Variants in NFAT5 observed in about 807,000 individuals in gnomAD.
NFAT5 encodes nuclear factor of activated T-cells 5.
In NFAT5, 31 loss-of-function variants were observed where a neutral mutation model predicts 166.5. The ratio of observed to expected loss-of-function variants is 0.19; its 90% CI spans 0.14 to 0.25. The LOEUF (loss-of-function observed/expected upper bound fraction) is 0.25, where lower values mean the gene tolerates loss of function less well. NFAT5 is among the 10% of genes least tolerant of loss of function. The probability of loss-of-function intolerance (pLI) is 1.00; values close to 1 mark genes in which losing one functional copy is unlikely to be tolerated. For synonymous variants in NFAT5, 612 were observed against 639.7 expected, an observed-to-expected ratio of 0.96 and a Z score of 0.65; for missense variants, 1,449 against 1,821.8, an observed-to-expected ratio of 0.80 and a Z score of 3.72.
At chr16:69,671,782 A>G (rs1413846801) in intron 9 of NFAT5, among the ~76,000 whole-genome samples, 1 of 152,228 alleles carries the variant, frequency 6.6e-6, no homozygotes, top group East Asian at 1.9e-4. Context: ...ATCCTCAGGA[A>G]GACATTACCA....
At chr16:69,659,634 A>G (rs2036037144) in intron 6 of NFAT5, 93 bp from the exon 7 acceptor site, 1 of 1,072,238 alleles carries the variant, frequency 9.3e-7, no homozygotes, top group Non-Finnish European at 1.3e-6. Context: ...GAATTAATAG[A>G]TAAGCAAAAT....
chr16:69,609,376 C>T (rs551527251), intron 2 of NFAT5, among the ~76,000 whole-genome samples: 6 of 152,156 alleles, frequency 3.9e-5, no homozygotes, highest in African/African-American at 9.6e-5. Context: ...ATTCAGTAGT[C>T]GGTCTGTGAT....
intron 2 of NFAT5, among the ~76,000 whole-genome samples, chr16:69,609,821 A>G (rs1444636309): frequency 7.4e-5 from 6 of 81,558 alleles, no homozygotes; most frequent in Non-Finnish European, 1.0e-4. Context: ...TCTCTACTGA[A>G]AAAAAAAAAA....
intron 3 of NFAT5, among the ~76,000 whole-genome samples, chr16:69,638,773 A>G (rs72801350): frequency 2.6e-5 from 4 of 151,598 alleles, no homozygotes; most frequent in Admixed American, 2.6e-4. Flanking sequence ...ATTGAAGTAG[A>G]ATTGGCAGGA....
At chr16:69,577,030 C>T (rs953468199) in intron 2 of NFAT5, among the ~76,000 whole-genome samples, 17 of 152,192 alleles carry the variant, frequency 1.1e-4, no homozygotes, top group Non-Finnish European at 1.6e-4. Flanking sequence ...AGAAATAGTA[C>T]TAATGTGAGC....
At chr16:69,683,661 G>C (rs1368870853) in intron 10 of NFAT5, among the ~76,000 whole-genome samples, 2 of 152,092 alleles carry the variant, frequency 1.3e-5, no homozygotes, top group African/African-American at 2.4e-5. Context: ...TAAATTTATA[G>C]TTTAAATTTG....
rs756137446 is a variant in NFAT5 at position 69,692,561 on chromosome 16, C to G, written c.2736C>G (p.Ala912=). 6.2e-7 allele frequency: 1 copy of G among 1,613,974 alleles called. No individual in the cohort carries two copies. Among genetic ancestry groups the G allele is most frequent in the Non-Finnish European group, 8.5e-7 (1 of 1,180,028 alleles). ...QQQQQVMESS[A]AMVMEMQQSI... The stretch of plus-strand genomic sequence containing the variant: ...AACAGCAAGTGATGGAATCTTCAGC[C>G]GCAATGGTGATGGAGATGCAACAGA... Residue 912 remains alanine (A), a synonymous_variant, in exon 13 of 15, where the codon GCC becomes GCG. Transcript: ENST00000349945.
At chr16:69,624,169 G>A (rs1472560054) in intron 2 of NFAT5, among the ~76,000 whole-genome samples, 1 of 152,106 alleles carries the variant, frequency 6.6e-6, no homozygotes, top group East Asian at 1.9e-4. Context: ...TCAAGCATTA[G>A]GTAACAACAT....
chr16:69,586,997 C>A (rs1439805282), intron 2 of NFAT5, among the ~76,000 whole-genome samples: 1 of 152,140 alleles, frequency 6.6e-6, no homozygotes, highest in Non-Finnish European at 1.5e-5. Flanking sequence ...TATATTAAAT[C>A]TAGGTATGAT....
intron 2 of NFAT5, among the ~76,000 whole-genome samples, chr16:69,578,071 G>GT (rs1350740039): frequency 5.3e-5 from 8 of 152,080 alleles, no homozygotes; most frequent in Non-Finnish European, 5.9e-5. Context: ...GTGATGCAGT[G>GT]TAACAGCTAT....
intron 7 of NFAT5, among the ~76,000 whole-genome samples, chr16:69,664,769 T>C (rs1373307202): frequency 1.3e-5 from 2 of 152,124 alleles, no homozygotes; most frequent in African/African-American, 4.8e-5. Context: ...GGCTCACGCC[T>C]GTAATCCCAG....
chr16:69,670,038 A>C lies in NFAT5; in HGVS notation c.1431A>C (p.Gly477=). ...GCTTGCATAGCTGTTCAGTGAAAGG[A>C]GAAGAAGAAGTGTTTTTAATCGGCA... ...KKSLHSCSVK[G]EEEVFLIGKN... The change falls in exon 8 of 15, where the codon GGA becomes GGC. Residue 477 remains glycine, a synonymous_variant. Coordinates refer to ENST00000349945, the MANE Select transcript of NFAT5 (RefSeq NM_138713.4). 4 of 1,613,260 alleles carry C rather than the reference A, an allele frequency of 2.5e-6. No homozygotes were observed. Among genetic ancestry groups the C allele is most frequent in the Non-Finnish European group, 3.4e-6 (4 of 1,179,692 alleles).
In NFAT5 at chr16:69,691,933, A is replaced by G. The variant is rs1481124321; in HGVS notation, c.2108A>G (p.Gln703Arg). The stretch of plus-strand genomic sequence containing the variant: ...ACTATTCAAACCCAGGACATCTCAC[A>G]GCCTGGTACTTTTCCAGCAGTTTCT... ...LTTIQTQDIS[Q>R]PGTFPAVSAS... Residue 703 changes from glutamine to arginine, a missense_variant, in exon 13 of 15, where the codon CAG becomes CGG. Transcript: ENST00000349945. 1.9e-6 allele frequency: 3 copies of G among 1,614,184 alleles called. No individual in the cohort carries two copies. Among genetic ancestry groups the G allele is most frequent in the East Asian group, 4.5e-5 (2 of 44,890 alleles).
chr16:69,571,462 C>G (rs117507554), intron 2 of NFAT5, among the ~76,000 whole-genome samples: 76 of 152,246 alleles, frequency 5.0e-4, no homozygotes, highest in Middle Eastern at 6.8e-3. Flanking sequence ...AACCAGAATT[C>G]CAACCCAGGT....
At chr16:69,663,236 G>A (rs995492351) in intron 7 of NFAT5, among the ~76,000 whole-genome samples, 1 of 152,088 alleles carries the variant, frequency 6.6e-6, no homozygotes, top group African/African-American at 2.4e-5. Flanking sequence ...TTCATGCAGT[G>A]CCTTGTGGCT....
At chr16:69,586,845 A>G (rs1341485481) in intron 2 of NFAT5, among the ~76,000 whole-genome samples, 1 of 152,232 alleles carries the variant, frequency 6.6e-6, no homozygotes, top group Non-Finnish European at 1.5e-5. Flanking sequence ...TGAGCCAAGA[A>G]GAAGAAAAGC....
intron 2 of NFAT5, among the ~76,000 whole-genome samples, chr16:69,587,479 C>A (rs962589926): frequency 6.6e-6 from 1 of 150,600 alleles, no homozygotes; most frequent in Non-Finnish European, 1.5e-5. Flanking sequence ...ACCTCCGCCC[C>A]CCTGTGTTCA....
intron 2 of NFAT5, among the ~76,000 whole-genome samples, chr16:69,620,899 T>C (rs929434909): frequency 3.3e-5 from 5 of 152,260 alleles, no homozygotes; most frequent in African/African-American, 7.2e-5. Context: ...CATATCTTTG[T>C]TCAAGTTGTG....
intron 3 of NFAT5, among the ~76,000 whole-genome samples, chr16:69,645,493 T>G (rs2035399538): frequency 6.6e-6 from 1 of 152,170 alleles, no homozygotes; most frequent in African/African-American, 2.4e-5. Flanking sequence ...AATGAAGAAT[T>G]CTGGGTGGAT....
Sources: allele counts gnomAD v4.1 joint callset (sites outside exome capture counted in the v4.1 genomes callset), GRCh38; gene constraint gnomAD v4.1.1; transcripts MANE v1.5; gene names NCBI Gene and HGNC (gene_info 2026-07-23, HGNC 2026-07-21).